Variants in GALNT16 observed in about 807,000 individuals in gnomAD.
GALNT16 encodes polypeptide N-acetylgalactosaminyltransferase 16.
Under a neutral mutation model 76.1 loss-of-function variants are expected in GALNT16, and 40 were observed. That is an observed-to-expected ratio of 0.53 (90% confidence interval 0.41 to 0.68). The LOEUF is 0.68. Among genes scored for constraint, GALNT16 ranks in the 30% least tolerant of loss-of-function variants. The pLI, the probability that GALNT16 is intolerant of heterozygous loss-of-function variation, is 0.00. For missense variants in GALNT16, 621 were observed against 731.9 expected, an observed-to-expected ratio of 0.85 and a Z score of 1.75; for synonymous variants, 276 against 285.2, an observed-to-expected ratio of 0.97 and a Z score of 0.32.
chr14:69,349,762 G>A (rs1159544357), intron 14 of GALNT16: 1 of 152,300 alleles, frequency 6.6e-6, no homozygotes, highest in African/African-American at 2.4e-5. Context: ...GGGACAGTGG[G>A]TGATGTGACA....
At chr14:69,279,753 G>A (rs373217164) in intron 1 of GALNT16, among the ~76,000 whole-genome samples, 2 of 152,240 alleles carry the variant, frequency 1.3e-5, no homozygotes, top group South Asian at 4.1e-4. Flanking sequence ...CAGGTGAGGG[G>A]TGTGGCAAAG....
chr14:69,320,500 AAAAAAAG>A (rs1470129077), intron 1 of GALNT16, among the ~76,000 whole-genome samples: 9 of 135,004 alleles, frequency 6.7e-5, no homozygotes, highest in Admixed American at 3.0e-4. Context: ...AAAAAAGAAA[AAAAAAAG>A]AAAAAAAGAA....
intron 1 of GALNT16, among the ~76,000 whole-genome samples, chr14:69,283,030 A>T (rs1455359715): frequency 6.6e-6 from 1 of 152,150 alleles, no homozygotes; most frequent in Admixed American, 6.5e-5. Context: ...ATTACAGCTC[A>T]TGAGGGGCAA....
At chr14:69,316,128 G>A (rs569231686) in intron 1 of GALNT16, among the ~76,000 whole-genome samples, 14 of 152,216 alleles carry the variant, frequency 9.2e-5, no homozygotes, top group Non-Finnish European at 2.1e-4. Context: ...TGGTGGGACA[G>A]GGGACAGTGA....
At chr14:69,268,593 T>C (rs751165352) in intron 1 of GALNT16, among the ~76,000 whole-genome samples, 7 of 152,178 alleles carry the variant, frequency 4.6e-5, no homozygotes, top group Non-Finnish European at 1.0e-4. Flanking sequence ...ACTGAGCATG[T>C]ACTATGTGCC....
chr14:69,333,004 T>A lies in GALNT16; in HGVS notation c.779-81T>A, dbSNP rs1351846863. On this transcript the variant is annotated intron_variant, in intron 7 of 14. Coordinates refer to ENST00000448469, the MANE Select transcript of GALNT16 (RefSeq NM_001168368.2). This position sits in a 1 kb window ranked among gnomAD's most constrained non-coding sequence, Gnocchi z 4.2. ...GCCCAGGGCTCTGATCAGGGGAGAC[T>A]CCGAGGGGTGGTGGAGTGAAGGGTC... The A allele has an allele frequency of 1.0e-6, 1 of 955,582 alleles. No homozygotes were observed. The highest frequency in any genetic ancestry group is 1.6e-5 in the African/African-American group (1 of 62,428). 59.2% of individuals were successfully genotyped at this position (955,582 alleles called of 1,614,324 possible). A position where few individuals can be genotyped will look rare whatever the true frequency, so the allele number is the denominator to read the frequency against.
rs187665373 is a variant in GALNT16, at chr14:69,274,247, A to G, written c.177+13780A>G. On this transcript the variant is annotated intron_variant, in intron 1 of 14. Transcript: ENST00000448469. Reference sequence around the variant, plus strand: ...TAGTAAATGCTATACAAGCATTAGTATACAAATTGTTACACAAATTAGTAT... The same window carrying G: ...TAGTAAATGCTATACAAGCATTAGTGTACAAATTGTTACACAAATTAGTAT... Among the ~76,000 whole-genome samples, 7 of 152,364 alleles carry G rather than the reference A, an allele frequency of 4.6e-5. No homozygotes were observed. In the East Asian group the frequency reaches 9.6e-4, roughly 21 times the overall value.
At chr14:69,379,639 CT>C in the GALNT16 span, among the ~76,000 whole-genome samples, 1 of 152,136 alleles carries the variant, frequency 6.6e-6, no homozygotes, top group African/African-American at 2.4e-5. Context: ...TACACTCCAG[CT>C]TGGGTACAGA....
rs1038967964 is a variant in GALNT16, at chr14:69,261,781, G to T, written c.177+1314G>T. ...CCTGCAAAGGAAACATTATTTCAGG[G>T]CTTTGCCTGAGGAGACCTGGGGCGG... On this transcript the variant is annotated intron_variant, in intron 1 of 14. Transcript: ENST00000448469. This position sits in a 1 kb window ranked among gnomAD's most constrained non-coding sequence, Gnocchi z 6.4. 6.6e-6 allele frequency among the ~76,000 whole-genome samples: 1 copy of T among 151,938 alleles called. No individual in the cohort carries two copies.
Position 69,333,282 on chromosome 14 carries a change from A to G in GALNT16, c.863+113A>G. The stretch of plus-strand genomic sequence containing the variant: ...GGCTCCTGAGGCGCACTAAGTGCTG[A>G]CTCTGTTCTGGGCCTTCGGACCCTG... On this transcript the variant is annotated intron_variant, in intron 8 of 14. Transcript: ENST00000448469. The surrounding 1 kb of genome is among the most constrained non-coding windows in gnomAD (Gnocchi z 4.2). 1 of 759,466 alleles carries G rather than the reference A, an allele frequency of 1.3e-6. No homozygotes were observed. Among genetic ancestry groups the G allele is most frequent in the Non-Finnish European group, 2.2e-6 (1 of 454,474 alleles). 47.0% of individuals were successfully genotyped at this position (759,466 alleles called of 1,614,324 possible). A position where few individuals can be genotyped will look rare whatever the true frequency, so the allele number is the denominator to read the frequency against.
the GALNT16 span, among the ~76,000 whole-genome samples, chr14:69,385,762 C>T: frequency 3.1e-3 from 477 of 152,188 alleles, 4 homozygotes; most frequent in African/African-American, 0.011. Flanking sequence ...CTACCACAAC[C>T]GTTCTGGAAG....
chr14:69,280,586 T>G (rs1358598896), intron 1 of GALNT16, among the ~76,000 whole-genome samples: 1 of 152,150 alleles, frequency 6.6e-6, no homozygotes, highest in Non-Finnish European at 1.5e-5. Flanking sequence ...GATCATATGG[T>G]AATTCTATTT....
Position 69,260,279 on chromosome 14 carries a change from C to T in GALNT16, c.-12C>T, listed in dbSNP as rs200155729. 1.2e-6 allele frequency: 2 copies of T among 1,611,520 alleles called. No homozygotes were observed. Among genetic ancestry groups the T allele is most frequent in the Non-Finnish European group, 1.7e-6 (2 of 1,178,750 alleles). ...GGCCCAGTCCCCCACCTGGGGCGCC[C>T]GTCTGCCCACCATGAGGAAGATCCG... is the stretch of plus-strand genomic sequence containing the variant. On this transcript the variant is annotated 5_prime_UTR_variant, in exon 1 of 15. Transcript: ENST00000448469.
At chr14:69,317,408 G>A (rs1270808540) in intron 1 of GALNT16, among the ~76,000 whole-genome samples, 2 of 152,228 alleles carry the variant, frequency 1.3e-5, no homozygotes, top group East Asian at 1.9e-4. Flanking sequence ...GCTTGGGGTT[G>A]GCGGTTTCTT....
At chr14:69,294,549 T>A (rs2044728937) in intron 1 of GALNT16, among the ~76,000 whole-genome samples, 1 of 152,162 alleles carries the variant, frequency 6.6e-6, no homozygotes, top group African/African-American at 2.4e-5. Flanking sequence ...CATAATCAAG[T>A]TTGGAACGTT....
intron 1 of GALNT16, among the ~76,000 whole-genome samples, chr14:69,260,773 G>A (rs1452155677): frequency 5.3e-5 from 8 of 152,046 alleles, no homozygotes. Flanking sequence ...GCGCTGCCGG[G>A]GCCGGGAGTC....
intron 1 of GALNT16, among the ~76,000 whole-genome samples, chr14:69,316,580 G>C (rs2045103361): frequency 6.6e-6 from 1 of 152,220 alleles, no homozygotes; most frequent in African/African-American, 2.4e-5. Context: ...GCTCACAGAG[G>C]AGGTGAGGTT....
intron 1 of GALNT16, among the ~76,000 whole-genome samples, chr14:69,312,846 G>A (rs1940606272): frequency 6.6e-6 from 1 of 152,200 alleles, no homozygotes; most frequent in African/African-American, 2.4e-5. Flanking sequence ...CCAGAGGCCA[G>A]CCTGCTTTGG....
chr14:69,347,272 C>T (rs973902696), intron 13 of GALNT16, 91 bp downstream of exon 13: 2 of 1,311,442 alleles, frequency 1.5e-6, no homozygotes, highest in East Asian at 2.5e-5. Context: ...CATTCTCCTC[C>T]TCTGTCTACA....
Sources: gnomAD v4.1 joint callset for allele counts (sites outside exome capture counted in the v4.1 genomes callset) on GRCh38, gnomAD v4.1.1 for gene constraint, Gnocchi (gnomAD v3.1) non-coding constraint, MANE v1.5 for transcripts, NCBI Gene and HGNC (gene_info 2026-07-23, HGNC 2026-07-21) for gene names.